ACYP2: variants seen among roughly 807,000 people sequenced by gnomAD.
ACYP2 encodes the protein acylphosphatase-2.
A neutral mutation model predicts 11.2 loss-of-function variants in ACYP2; 12 were observed. That is an observed-to-expected ratio of 1.08 (90% CI 0.69 to 1.74). ACYP2 has a LOEUF of 1.74. Ranked by LOEUF, ACYP2 falls within the 40% of genes most tolerant of loss-of-function variation. ACYP2 has a pLI of 0.00. For synonymous variants in ACYP2, 43 were observed against 32.2 expected, an observed-to-expected ratio of 1.33 and a Z score of -1.13; for missense variants, 134 against 101.9, an observed-to-expected ratio of 1.31 and a Z score of -1.35.
chr2:54,264,251 A>T (rs2104054223), intron 6 of ACYP2, among the ~76,000 whole-genome samples: 1 of 152,274 alleles, frequency 6.6e-6, no homozygotes, highest in East Asian at 1.9e-4. Context: ...GCGGACCCAA[A>T]GAGTGAGCAG....
intron 6 of ACYP2, among the ~76,000 whole-genome samples, chr2:54,188,347 T>A (rs969750912): frequency 6.6e-6 from 1 of 152,130 alleles, no homozygotes; most frequent in African/African-American, 2.4e-5. Context: ...CTCAATAAAG[T>A]TAAATATTTT....
At position 54,201,632 on chromosome 2, in the gene ACYP2, CTTTCTCTTTCTTTCTT is replaced by C. The variant is rs1684801339; in HGVS notation, c.404+62886_404+62901del. 2.7e-5 allele frequency among the ~76,000 whole-genome samples: 2 copies of C among 74,294 alleles called. 1 individual carries two copies. The highest frequency in any genetic ancestry group is 1.1e-3 in the South Asian group (2 of 1,894). The allele number at this position is 74,294 out of a possible 152,430, so 48.7% of individuals were successfully genotyped here. ...TCTTTCTTTCTTTCTTTGTTTCTTTCTTTCTCTTTCTTTCTTTCTTTCTTTCTTTCTTTCTTTCTTT... is the reference window on the plus strand; with the variant it reads ...TCTTTCTTTCTTTCTTTGTTTCTTTCTCTTTCTTTCTTTCTTTCTTTCTTT... On this transcript the variant is annotated intron_variant, in intron 6 of 6. Coordinates refer to ENST00000607452, the MANE Select transcript of ACYP2 (RefSeq NM_001320586.2).
At chr2:53,987,263 A>T (rs1672080741) in intron 2 of ACYP2, among the ~76,000 whole-genome samples, 1 of 151,954 alleles carries the variant, frequency 6.6e-6, no homozygotes, top group African/African-American at 2.4e-5. Flanking sequence ...TGGTTACATG[A>T]GGGTGGTTAG....
intron 6 of ACYP2, among the ~76,000 whole-genome samples, chr2:54,207,130 C>T (rs4133471): frequency 0.031 from 4,328 of 137,546 alleles, 210 homozygotes; most frequent in African/African-American, 0.11. Flanking sequence ...TATATATATG[C>T]CTATATCTCA....
chr2:54,242,107 A>G (rs899216018), intron 6 of ACYP2, among the ~76,000 whole-genome samples: 1 of 152,218 alleles, frequency 6.6e-6, no homozygotes, highest in Non-Finnish European at 1.5e-5. Context: ...CGCTATGACT[A>G]TATTGCATGC....
chr2:54,007,114 G>A (rs1419759680), intron 2 of ACYP2, among the ~76,000 whole-genome samples: 19 of 124,402 alleles, frequency 1.5e-4, no homozygotes, highest in Admixed American at 2.7e-4. Flanking sequence ...ACTCCAGCCT[G>A]GGCAACAGAG....
At chr2:54,273,349 C>T (rs931449644) in intron 6 of ACYP2, among the ~76,000 whole-genome samples, 4 of 152,228 alleles carry the variant, frequency 2.6e-5, no homozygotes, top group Admixed American at 2.6e-4. Flanking sequence ...CTTTGTTATG[C>T]CAAAAAATTC....
At chr2:54,224,190 C>G (rs1331860348) in intron 6 of ACYP2, among the ~76,000 whole-genome samples, 4 of 152,192 alleles carry the variant, frequency 2.6e-5, no homozygotes, top group Non-Finnish European at 5.9e-5. Flanking sequence ...AGCAATGCCC[C>G]ACCCAGGCCT....
intron 6 of ACYP2, among the ~76,000 whole-genome samples, chr2:54,304,270 A>C (rs948993296): frequency 5.3e-5 from 8 of 151,760 alleles, no homozygotes; most frequent in African/African-American, 1.5e-4. Flanking sequence ...GTATCTCTCT[A>C]TATACACATA....
chr2:54,068,244 A>G (rs1676844980), intron 4 of ACYP2, among the ~76,000 whole-genome samples: 1 of 152,144 alleles, frequency 6.6e-6, no homozygotes, highest in South Asian at 2.1e-4. Flanking sequence ...AGTCCTATCC[A>G]TTTGTTGTAC....
intron 4 of ACYP2, among the ~76,000 whole-genome samples, chr2:54,090,988 C>A (rs1411278274): frequency 6.6e-6 from 1 of 152,136 alleles, no homozygotes. Flanking sequence ...GCCTTGGACA[C>A]AATGAACGCT....
intron 6 of ACYP2, among the ~76,000 whole-genome samples, chr2:54,289,558 T>C (rs1227838541): frequency 6.6e-6 from 1 of 151,976 alleles, no homozygotes; most frequent in African/African-American, 2.4e-5. Flanking sequence ...GGCATATGAG[T>C]ACAAAAAGGA....
chr2:54,246,764 C>CTTCT (rs1488059622), intron 6 of ACYP2, among the ~76,000 whole-genome samples: 2 of 152,022 alleles, frequency 1.3e-5, no homozygotes, highest in East Asian at 3.9e-4. Context: ...AATGAGCATC[C>CTTCT]TTCTTTGTTC....
chr2:54,300,452 C>G (rs894124346), intron 6 of ACYP2, among the ~76,000 whole-genome samples: 1 of 152,214 alleles, frequency 6.6e-6, no homozygotes, highest in African/African-American at 2.4e-5. Flanking sequence ...CTGGGCAGCT[C>G]TCCTCTAACA....
chr2:54,212,055 A>T (rs1685349526), intron 6 of ACYP2, among the ~76,000 whole-genome samples: 1 of 152,228 alleles, frequency 6.6e-6, no homozygotes. Context: ...ATGAAGGGAT[A>T]AACAAATGAA....
intron 2 of ACYP2, among the ~76,000 whole-genome samples, chr2:54,035,318 G>T (rs756109724): frequency 4.0e-5 from 6 of 149,102 alleles, no homozygotes; most frequent in Admixed American, 6.7e-5. Flanking sequence ...CAGGCTGGAG[G>T]GCAGTGGTGC....
At position 54,230,965 on chromosome 2, in the gene ACYP2, G is replaced by C. The variant is rs575726447; in HGVS notation, c.405-73723G>C. Among the ~76,000 whole-genome samples the C allele has an allele frequency of 5.3e-5, 8 of 151,160 alleles. No homozygotes were observed. The South Asian group carries it at 1.7e-3, about 32-fold the overall frequency. On this transcript the variant is annotated intron_variant, in intron 6 of 6. Transcript: ENST00000607452. ...CTTGCCTCAGCCTCCCGAGTAGCTG[G>C]GATTACAGGCGCCTGCCACCACGCC...
chr2:54,298,505 A>G (rs564157312), intron 6 of ACYP2, among the ~76,000 whole-genome samples: 1 of 152,354 alleles, frequency 6.6e-6, no homozygotes, highest in Admixed American at 6.5e-5. Flanking sequence ...AGCTACAGCA[A>G]TAAAACCTTG....
At chr2:54,011,937 A>T (rs1673395955) in intron 2 of ACYP2, among the ~76,000 whole-genome samples, 1 of 152,038 alleles carries the variant, frequency 6.6e-6, no homozygotes, top group African/African-American at 2.4e-5. Context: ...AACATTTCTG[A>T]TTTAAAATAC....
Sources: allele counts gnomAD v4.1 joint callset (sites outside exome capture counted in the v4.1 genomes callset), GRCh38; gene constraint gnomAD v4.1.1; transcripts MANE v1.5; gene names NCBI Gene and HGNC (gene_info 2026-07-23, HGNC 2026-07-21).